The following PCDHGA1 variants were observed in gnomAD, a reference collection of about 807,000 sequenced individuals.
The protein encoded by PCDHGA1 is protocadherin gamma subfamily A, 1.
In PCDHGA1, 32 loss-of-function variants were observed where a neutral mutation model predicts 58.0. That is an observed-to-expected ratio of 0.55 (90% CI 0.42 to 0.74). PCDHGA1 has a LOEUF of 0.74. Ranked by LOEUF, PCDHGA1 falls within the 30% of genes least tolerant of loss-of-function variation. The pLI is 0.00. For missense variants in PCDHGA1, 1,205 were observed against 1,182.3 expected (o/e 1.02, Z -0.28); for synonymous variants, 498 against 501.1 (o/e 0.99, Z 0.08).
intron 1 of PCDHGA1, chr5:141,361,293 G>A: frequency 1.2e-6 from 2 of 1,614,018 alleles, no homozygotes; most frequent in Non-Finnish European, 8.5e-7. Context: ...ACTGCCAAGT[G>A]TTGGGAAATG....
At chr5:141,402,332 A>G (rs991402257) in intron 1 of PCDHGA1, among the ~76,000 whole-genome samples, 2 of 152,036 alleles carry the variant, frequency 1.3e-5, no homozygotes, top group African/African-American at 4.8e-5. Flanking sequence ...TTACAAATAT[A>G]TAGGTATAAA....
intron 1 of PCDHGA1, chr5:141,421,478 G>C: frequency 6.2e-7 from 1 of 1,614,130 alleles, no homozygotes. Context: ...CGAAGCGGCA[G>C]CTTGATCACG....
At chr5:141,420,501 A>T in intron 1 of PCDHGA1, 1 of 469,392 alleles carries the variant, frequency 2.1e-6, no homozygotes, top group East Asian at 4.1e-5. Context: ...CTCCGGTGAC[A>T]TTTTTATGAA....
At chr5:141,390,444 G>A in intron 1 of PCDHGA1, 1 of 870,148 alleles carries the variant, frequency 1.1e-6, no homozygotes, top group South Asian at 1.8e-5. Context: ...TTCTACAAAG[G>A]AGGAGTAAAG....
At position 141,432,325 on chromosome 5, in the gene PCDHGA1, C is replaced by A; in HGVS notation, c.2422-62482C>A. 6.2e-7 allele frequency: 1 copy of A among 1,614,260 alleles called. No individual in the cohort carries two copies. The highest frequency in any genetic ancestry group is 1.1e-5 in the South Asian group (1 of 91,092). On this transcript the variant is annotated intron_variant, in intron 1 of 3. Transcript: ENST00000517417. The surrounding 1 kb of genome is among the most constrained non-coding windows in gnomAD (Gnocchi z 6.0). The stretch of plus-strand genomic sequence containing the variant: ...TGTATGCGCTGAGCTCCTTCGACTA[C>A]GAGCAGTTCCGAGACTTGCAAGTGA...
In PCDHGA1 at chr5:141,512,223, C is replaced by G. The variant is rs1321595614; in HGVS notation, c.*1050C>G. 6.5e-6 allele frequency: 1 copy of G among 152,728 alleles called. No individual in the cohort carries two copies. The highest frequency in any genetic ancestry group is 1.5e-5 in the Non-Finnish European group (1 of 68,110). 9.5% of individuals were successfully genotyped at this position (152,728 alleles called of 1,614,324 possible). ...CTCGAAGCAGGTTTAGGACCAGGTC[C>G]CCTTGAGAGGTCAGAGGGGCCTCTG... On this transcript the variant is annotated 3_prime_UTR_variant, in exon 4 of 4. Transcript: ENST00000517417.
intron 1 of PCDHGA1, chr5:141,355,897 G>A: frequency 1.2e-6 from 2 of 1,613,656 alleles, no homozygotes; most frequent in South Asian, 2.2e-5. Flanking sequence ...CATAATACTT[G>A]TGGATACCAA....
intron 1 of PCDHGA1, chr5:141,393,184 T>C: frequency 6.2e-7 from 1 of 1,613,344 alleles, no homozygotes; most frequent in Non-Finnish European, 8.5e-7. Context: ...ATAGAAATAA[T>C]TGATATTAAC....
At chr5:141,352,105 G>C (rs764701256) in intron 1 of PCDHGA1, 5 of 1,606,928 alleles carry the variant, frequency 3.1e-6, no homozygotes, top group Non-Finnish European at 4.2e-6. Flanking sequence ...TCTTCAGCCT[G>C]GGGTTGCGCA....
rs754536860 is a variant in PCDHGA1, at chr5:141,432,221, A to G, written c.2422-62586A>G. The G allele has an allele frequency of 2.5e-6, 4 of 1,614,190 alleles. No homozygotes were observed. The South Asian group carries it at 4.4e-5, about 18-fold the overall frequency. ...CGACTGTGAAGAGAACGCCCAGATC[A>G]CTTATTCCCTGGCTGAGAACACCAT... On this transcript the variant is annotated intron_variant, in intron 1 of 3. Coordinates refer to ENST00000517417, the MANE Select transcript of PCDHGA1 (RefSeq NM_018912.3). The surrounding 1 kb of genome is among the most constrained non-coding windows in gnomAD (Gnocchi z 6.0).
At chr5:141,427,969 A>G (rs1239461810) in intron 1 of PCDHGA1, 1 of 1,591,942 alleles carries the variant, frequency 6.3e-7, no homozygotes, top group Admixed American at 1.7e-5. Context: ...CGGGTGCTGT[A>G]CCCCGCGCTG....
intron 1 of PCDHGA1, among the ~76,000 whole-genome samples, chr5:141,439,557 A>C (rs766239185): frequency 1.2e-4 from 19 of 152,178 alleles, no homozygotes; most frequent in Non-Finnish European, 2.2e-4. Context: ...TTCAGGCTGC[A>C]GTTCTAGAGT....
At chr5:141,372,359 A>T in intron 1 of PCDHGA1, 1 of 1,613,954 alleles carries the variant, frequency 6.2e-7, no homozygotes, top group Non-Finnish European at 8.5e-7. Flanking sequence ...AGCCTCTTTC[A>T]GCCACCGTCA....
intron 1 of PCDHGA1, chr5:141,362,414 C>A (rs1399148025): frequency 6.2e-7 from 1 of 1,614,058 alleles, no homozygotes; most frequent in South Asian, 1.1e-5. Context: ...GCCTCACAAT[C>A]AGCCAAGACA....
chr5:141,507,570 G>A (rs562674847), intron 3 of PCDHGA1, among the ~76,000 whole-genome samples: 1 of 152,366 alleles, frequency 6.6e-6, no homozygotes, highest in South Asian at 2.1e-4. Flanking sequence ...CTGGGTCTGA[G>A]GAGATGCCAA....
intron 1 of PCDHGA1, chr5:141,404,948 G>A (rs756928954): frequency 3.1e-6 from 5 of 1,613,838 alleles, no homozygotes; most frequent in African/African-American, 1.3e-5. Flanking sequence ...AGCCATAGCT[G>A]ACAGCATCCC....
intron 1 of PCDHGA1, chr5:141,429,208 G>A (rs568951026): frequency 5.4e-4 from 77 of 142,568 alleles, no homozygotes; most frequent in African/African-American, 1.9e-3. Context: ...ACACACACGT[G>A]TGAAAAGTGG....
intron 2 of PCDHGA1, among the ~76,000 whole-genome samples, chr5:141,498,848 G>T (rs930895553): frequency 6.6e-6 from 1 of 151,908 alleles, no homozygotes; most frequent in African/African-American, 2.4e-5. Context: ...CAGGGGAATC[G>T]CTTGAACCCA....
chr5:141,413,081 C>A, intron 1 of PCDHGA1: 2 of 1,339,424 alleles, frequency 1.5e-6, no homozygotes, highest in Non-Finnish European at 2.0e-6. Context: ...GCCCAGGCTA[C>A]AGAGACACCC....
Sources: gnomAD v4.1 joint callset for allele counts (sites outside exome capture counted in the v4.1 genomes callset) on GRCh38, gnomAD v4.1.1 for gene constraint, Gnocchi (gnomAD v3.1) non-coding constraint, MANE v1.5 for transcripts, NCBI Gene and HGNC (gene_info 2026-07-23, HGNC 2026-07-21) for gene names.